DNAJB6: variants seen among roughly 807,000 people sequenced by gnomAD.
DNAJB6 encodes the protein dnaJ homolog subfamily B member 6.
DNAJB6 carries 16 observed loss-of-function variants against 42.7 expected under a neutral mutation model. The observed-to-expected ratio is 0.37, with a 90% CI of 0.25 to 0.57. The LOEUF is 0.57. Among genes scored for constraint, DNAJB6 ranks in the 20% least tolerant of loss-of-function variants. The probability of loss-of-function intolerance (pLI) is 0.74; values close to 1 mark genes in which losing one functional copy is unlikely to be tolerated. For synonymous variants in DNAJB6, 170 were observed against 163.5 expected, an observed-to-expected ratio of 1.04 and a Z score of -0.30; for missense variants, 347 against 416.8, an observed-to-expected ratio of 0.83 and a Z score of 1.46.
At chr7:157,385,156 A>G (rs950265579) in intron 7 of DNAJB6, 148 bp downstream of exon 7, 11 of 818,654 alleles carry the variant, frequency 1.3e-5, no homozygotes, top group Non-Finnish European at 2.0e-5. Flanking sequence ...AAATTCATTA[A>G]TTAAAGCCTT....
At chr7:157,395,703 G>A (rs888881436) in intron 8 of DNAJB6, among the ~76,000 whole-genome samples, 1 of 43,368 alleles carries the variant, frequency 2.3e-5, no homozygotes, top group Non-Finnish European at 4.6e-5. Context: ...TTTTTTTTTT[G>A]AGACGGAGTC....
chr7:157,362,195 G>A (rs1373860896), intron 2 of DNAJB6, among the ~76,000 whole-genome samples: 1 of 152,198 alleles, frequency 6.6e-6, no homozygotes, highest in Non-Finnish European at 1.5e-5. Flanking sequence ...ATCTGGCACA[G>A]AGGGTGTTTG....
At chr7:157,387,793 G>T (rs1233116449) in intron 8 of DNAJB6, among the ~76,000 whole-genome samples, 3 of 143,702 alleles carry the variant, frequency 2.1e-5, no homozygotes, top group Non-Finnish European at 4.4e-5. Context: ...TTTTTTTTGA[G>T]GAGGAGGGAG....
intron 5 of DNAJB6, among the ~76,000 whole-genome samples, chr7:157,377,509 G>A (rs1021987454): frequency 3.9e-5 from 6 of 152,184 alleles, no homozygotes; most frequent in Admixed American, 2.0e-4. Flanking sequence ...GGGGAGAAAC[G>A]TGTATTACAA....
chr7:157,384,315 T>TC (rs1800939763), intron 6 of DNAJB6, among the ~76,000 whole-genome samples: 1 of 152,232 alleles, frequency 6.6e-6, no homozygotes, highest in East Asian at 1.9e-4. Flanking sequence ...TAGATTCTTA[T>TC]CCCCTGTGGT....
chr7:157,378,784 T>TA (rs1308613249), intron 5 of DNAJB6: 1 of 152,214 alleles, frequency 6.6e-6, no homozygotes, highest in Non-Finnish European at 1.5e-5. Context: ...TACATACTTC[T>TA]AGATTGCTTT....
chr7:157,371,487 T>TGGGCCTG (rs1054563178), intron 5 of DNAJB6, among the ~76,000 whole-genome samples: 2 of 152,214 alleles, frequency 1.3e-5, no homozygotes, highest in Non-Finnish European at 2.9e-5. Context: ...CAAGGAGACT[T>TGGGCCTG]GGGCCTGGGG....
intron 8 of DNAJB6, among the ~76,000 whole-genome samples, chr7:157,388,809 C>T (rs756275895): frequency 2.0e-3 from 308 of 152,182 alleles, no homozygotes; most frequent in Non-Finnish European, 3.4e-3. Context: ...TTTGTCATCT[C>T]CTGTTTTCCT....
chr7:157,363,952 CCT>C (rs1426076949), intron 3 of DNAJB6, among the ~76,000 whole-genome samples: 2 of 152,084 alleles, frequency 1.3e-5, no homozygotes, highest in Non-Finnish European at 2.9e-5. Flanking sequence ...ACACAGTGCC[CCT>C]GTCTGCTGCA....
intron 2 of DNAJB6, among the ~76,000 whole-genome samples, chr7:157,362,122 G>C (rs1487248895): frequency 6.6e-6 from 1 of 152,148 alleles, no homozygotes; most frequent in African/African-American, 2.4e-5. Context: ...CTCTGCAACA[G>C]AATATGACCT....
At chr7:157,402,966 T>C (rs1270059844) in intron 8 of DNAJB6, among the ~76,000 whole-genome samples, 1 of 152,066 alleles carries the variant, frequency 6.6e-6, no homozygotes, top group Admixed American at 6.5e-5. Flanking sequence ...TTGCCGAGGT[T>C]GAGGACACGC....
At chr7:157,404,862 C>T (rs1234201183) in intron 8 of DNAJB6, among the ~76,000 whole-genome samples, 1 of 152,102 alleles carries the variant, frequency 6.6e-6, no homozygotes, top group Non-Finnish European at 1.5e-5. Flanking sequence ...TGGTCTCAAA[C>T]TCCTGGGCTT....
chr7:157,353,221 C>T (rs1295221208), intron 1 of DNAJB6, among the ~76,000 whole-genome samples: 1 of 150,554 alleles, frequency 6.6e-6, no homozygotes, highest in African/African-American at 2.4e-5. Context: ...AGCTGCCGCA[C>T]CCGGTCCAGT....
intron 5 of DNAJB6, 113 bp from the exon 6 acceptor site, chr7:157,382,133 G>GT (rs1400342804): frequency 8.2e-7 from 1 of 1,224,884 alleles, no homozygotes; most frequent in African/African-American, 1.8e-5. Flanking sequence ...AACCTCTTAA[G>GT]TTTTTTGTTC....
At chr7:157,350,383 A>G (rs1394423087) in intron 1 of DNAJB6, among the ~76,000 whole-genome samples, 1 of 152,190 alleles carries the variant, frequency 6.6e-6, no homozygotes, top group African/African-American at 2.4e-5. Context: ...CGGAAGAGAA[A>G]TTGAACCTGT....
At chr7:157,402,019 C>T (rs570476346) in intron 8 of DNAJB6, among the ~76,000 whole-genome samples, 2 of 152,340 alleles carry the variant, frequency 1.3e-5, no homozygotes, top group African/African-American at 2.4e-5. Context: ...GTCGCTGTGA[C>T]GGAGGGAGCG....
intron 1 of DNAJB6, among the ~76,000 whole-genome samples, chr7:157,357,447 G>C (rs1799365802): frequency 6.6e-6 from 1 of 150,610 alleles, no homozygotes; most frequent in Admixed American, 6.7e-5. Flanking sequence ...GAGTAGCTGG[G>C]ACTACAGGTG....
At chr7:157,396,443 A>G (rs1468136658) in intron 8 of DNAJB6, among the ~76,000 whole-genome samples, 1 of 152,214 alleles carries the variant, frequency 6.6e-6, no homozygotes, top group East Asian at 1.9e-4. Flanking sequence ...AGTTAGAAAC[A>G]GGGAACTAAA....
At chr7:157,404,378 A>G (rs755615088) in intron 8 of DNAJB6, among the ~76,000 whole-genome samples, 1 of 146,228 alleles carries the variant, frequency 6.8e-6, no homozygotes, top group Non-Finnish European at 1.5e-5. Flanking sequence ...GCAGCCTTGA[A>G]CCCCCTCGGC....
Sources: gnomAD v4.1 joint callset for allele counts (sites outside exome capture counted in the v4.1 genomes callset) on GRCh38, gnomAD v4.1.1 for gene constraint, MANE v1.5 for transcripts, NCBI Gene and HGNC (gene_info 2026-07-23, HGNC 2026-07-21) for gene names.